The following MLLT3 variants were observed in gnomAD, a reference collection of about 807,000 sequenced individuals.
MLLT3 encodes MLLT3 super elongation complex subunit.
MLLT3 carries 4 observed loss-of-function variants against 53.2 expected under a neutral mutation model. That is an observed-to-expected ratio of 0.08 (90% confidence interval 0.04 to 0.17). The LOEUF (loss-of-function observed/expected upper bound fraction) is 0.17, where lower values mean the gene tolerates loss of function less well. Among genes scored for constraint, MLLT3 ranks in the 10% least tolerant of loss-of-function variants. The pLI is 1.00. For synonymous variants in MLLT3, 283 were observed against 230.6 expected, an observed-to-expected ratio of 1.23 and a Z score of -2.06; for missense variants, 569 against 684.0, an observed-to-expected ratio of 0.83 and a Z score of 1.87.
intron 4 of MLLT3, among the ~76,000 whole-genome samples, chr9:20,421,980 A>G (rs1244575009): frequency 3.3e-5 from 5 of 152,186 alleles, no homozygotes; most frequent in African/African-American, 9.6e-5. Flanking sequence ...TATAAAACAG[A>G]AAACACCTTA....
intron 2 of MLLT3, among the ~76,000 whole-genome samples, chr9:20,483,897 G>C (rs1466453549): frequency 3.3e-5 from 5 of 150,816 alleles, no homozygotes; most frequent in Non-Finnish European, 7.4e-5. Flanking sequence ...ATTTTTAGTA[G>C]AGATGGGGTT....
intron 2 of MLLT3, among the ~76,000 whole-genome samples, chr9:20,503,562 C>A (rs779173393): frequency 6.6e-6 from 1 of 152,062 alleles, no homozygotes; most frequent in Non-Finnish European, 1.5e-5. Context: ...ACTAAAGATT[C>A]AAATGTAAAC....
At chr9:20,581,209 T>G in intron 2 of MLLT3, among the ~76,000 whole-genome samples, 1 of 152,206 alleles carries the variant, frequency 6.6e-6, no homozygotes, top group Non-Finnish European at 1.5e-5. Context: ...GTTTCTCAAG[T>G]TCTTTGATAC....
Position 20,620,727 on chromosome 9 carries a change from C to T in MLLT3, c.120G>A (p.Glu40=), listed in dbSNP as rs377106919. ...CCACAAAGTGCTGTATGTTACTGTG[C>T]TCCGGACCGCGTACGAACACCATCC... ...HDWMVFVRGP[E]HSNIQHFVEK... Residue 40 remains glutamate, a synonymous_variant, in exon 2 of 11, where the codon GAG becomes GAA. Coordinates refer to ENST00000380338, the MANE Select transcript of MLLT3 (RefSeq NM_004529.4). The surrounding 1 kb of genome is among the most constrained non-coding windows in gnomAD (Gnocchi z 6.1). 3 of 1,614,084 alleles carry T rather than the reference C, an allele frequency of 1.9e-6. No homozygotes were observed. Among genetic ancestry groups the T allele is most frequent in the African/African-American group, 2.7e-5 (2 of 74,918 alleles).
intron 2 of MLLT3, among the ~76,000 whole-genome samples, chr9:20,536,849 A>AC (rs1818501797): frequency 6.6e-6 from 1 of 150,936 alleles, no homozygotes; most frequent in Non-Finnish European, 1.5e-5. Flanking sequence ...CTGTTTAACT[A>AC]GAAAAAAAAA....
chr9:20,510,810 G>A (rs1425631224), intron 2 of MLLT3, among the ~76,000 whole-genome samples: 1 of 151,876 alleles, frequency 6.6e-6, no homozygotes, highest in African/African-American at 2.4e-5. Context: ...CTTTAGTCTA[G>A]GAATCCCACT....
At chr9:20,354,171 C>T (rs144921154) in intron 9 of MLLT3, among the ~76,000 whole-genome samples, 25 of 152,180 alleles carry the variant, frequency 1.6e-4, no homozygotes, top group East Asian at 1.5e-3. Context: ...GAATGTATTA[C>T]GAAAAACAGG....
rs563982770 is a variant in MLLT3, at chr9:20,366,008, C to A, written c.1126-264G>T. ...GGGCCTGGCTTTGATTTCACTCCTACGTTTACTGCTATACAGGTCTCCCTC... is the reference window on the plus strand; with the variant it reads ...GGGCCTGGCTTTGATTTCACTCCTAAGTTTACTGCTATACAGGTCTCCCTC... On this transcript the variant is annotated intron_variant, in intron 5 of 10. Transcript: ENST00000380338. Among the ~76,000 whole-genome samples, 7 of 152,260 alleles carry A rather than the reference C, an allele frequency of 4.6e-5. No individual in the cohort carries two copies. In the East Asian group the frequency reaches 1.2e-3, roughly 25 times the overall value.
chr9:20,510,755 G>C (rs950255127), intron 2 of MLLT3, among the ~76,000 whole-genome samples: 1 of 151,780 alleles, frequency 6.6e-6, no homozygotes, highest in Non-Finnish European at 1.5e-5. Context: ...CTTCCAGAAA[G>C]CATTTGGTAA....
intron 2 of MLLT3, among the ~76,000 whole-genome samples, chr9:20,615,338 G>C (rs1587134885): frequency 8.0e-6 from 1 of 125,192 alleles, no homozygotes; most frequent in African/African-American, 3.1e-5. Flanking sequence ...AACCCAGCCT[G>C]GGTGACAGGG....
At chr9:20,562,510 T>C (rs1279236487) in intron 2 of MLLT3, among the ~76,000 whole-genome samples, 2 of 152,122 alleles carry the variant, frequency 1.3e-5, no homozygotes, top group Non-Finnish European at 2.9e-5. Context: ...AATGGACCCT[T>C]AGCACCAGCA....
At chr9:20,403,692 A>G (rs529158570) in intron 5 of MLLT3, among the ~76,000 whole-genome samples, 1 of 152,348 alleles carries the variant, frequency 6.6e-6, no homozygotes, top group East Asian at 1.9e-4. Context: ...TCTGAGGCTC[A>G]CTTTAAATTA....
At chr9:20,374,478 A>G (rs1821701366) in intron 5 of MLLT3, among the ~76,000 whole-genome samples, 1 of 152,244 alleles carries the variant, frequency 6.6e-6, no homozygotes, top group South Asian at 2.1e-4. Flanking sequence ...ATTAATGGGT[A>G]AAATATTGAG....
intron 5 of MLLT3, among the ~76,000 whole-genome samples, chr9:20,393,102 C>G (rs1822229200): frequency 6.6e-6 from 1 of 152,106 alleles, no homozygotes; most frequent in African/African-American, 2.4e-5. Context: ...TTGCAGTGAG[C>G]TGAGATCATG....
intron 2 of MLLT3, among the ~76,000 whole-genome samples, chr9:20,599,272 T>A (rs1243551893): frequency 6.9e-6 from 1 of 145,858 alleles, no homozygotes; most frequent in African/African-American, 2.6e-5. Flanking sequence ...CCACTGCACG[T>A]CAGCCTGGGC....
At chr9:20,549,344 T>C (rs1818869628) in intron 2 of MLLT3, among the ~76,000 whole-genome samples, 1 of 152,134 alleles carries the variant, frequency 6.6e-6, no homozygotes, top group African/African-American at 2.4e-5. Flanking sequence ...CCAACAATTG[T>C]TGGTAACAAT....
intron 2 of MLLT3, among the ~76,000 whole-genome samples, chr9:20,551,092 G>T (rs534848434): frequency 3.9e-5 from 6 of 152,266 alleles, no homozygotes; most frequent in African/African-American, 1.4e-4. Flanking sequence ...GGCCAATTCG[G>T]CTGAGGAAAA....
In MLLT3 at chr9:20,621,518, C is replaced by A. The variant is rs1295575327; in HGVS notation, c.13-684G>T. 6.6e-6 allele frequency among the ~76,000 whole-genome samples: 1 copy of A among 151,900 alleles called. No homozygotes were observed. The highest frequency in any genetic ancestry group is 1.5e-5 in the Non-Finnish European group (1 of 67,934). On this transcript the variant is annotated intron_variant, in intron 1 of 10. Coordinates refer to ENST00000380338, the MANE Select transcript of MLLT3 (RefSeq NM_004529.4). The surrounding 1 kb of genome is among the most constrained non-coding windows in gnomAD (Gnocchi z 7.0). Reference sequence around the variant, plus strand: ...ACTTAGAGCACCCCGCACCCCCCAGCGAAAAGCCCCACGCGATCGGCGAGG... The same window carrying A: ...ACTTAGAGCACCCCGCACCCCCCAGAGAAAAGCCCCACGCGATCGGCGAGG...
At chr9:20,415,551 C>G (rs1051180458) in intron 4 of MLLT3, 4 of 385,560 alleles carry the variant, frequency 1.0e-5, no homozygotes, top group Non-Finnish European at 1.4e-5. Context: ...CTTCCACTTC[C>G]TAATGGAACC....
Sources: allele counts gnomAD v4.1 joint callset (sites outside exome capture counted in the v4.1 genomes callset), GRCh38; gene constraint gnomAD v4.1.1; non-coding constraint Gnocchi (gnomAD v3.1); transcripts MANE v1.5; gene names NCBI Gene and HGNC (gene_info 2026-07-23, HGNC 2026-07-21).